CDH18: variants seen among roughly 807,000 people sequenced by gnomAD.
The protein encoded by CDH18 is cadherin 18, also known as cadherin-18.
CDH18 carries 31 observed loss-of-function variants against 67.9 expected under a neutral mutation model. The observed-to-expected ratio is 0.46, with a 90% CI of 0.34 to 0.62. The LOEUF (loss-of-function observed/expected upper bound fraction) is 0.62, where lower values mean the gene tolerates loss of function less well. Ranked by LOEUF, CDH18 falls within the 20% of genes least tolerant of loss-of-function variation. The pLI, the probability that CDH18 is intolerant of heterozygous loss-of-function variation, is 0.01. For missense variants in CDH18, 890 were observed against 975.5 expected, an observed-to-expected ratio of 0.91 and a Z score of 1.17; for synonymous variants, 362 against 347.2, an observed-to-expected ratio of 1.04 and a Z score of -0.48.
chr5:20,187,499 AT>A (rs1738192943), intron 2 of CDH18, among the ~76,000 whole-genome samples: 1 of 151,820 alleles, frequency 6.6e-6, no homozygotes, highest in Non-Finnish European at 1.5e-5. Context: ...TGGGCTCCAA[AT>A]TTTACAATCT....
chr5:19,521,863 T>C (rs809499), intron 9 of CDH18, among the ~76,000 whole-genome samples: 83,355 of 151,798 alleles, frequency 0.55, 23,747 homozygotes, highest in African/African-American at 0.7. Flanking sequence ...ACACATTTTT[T>C]CCCTAGAAAA....
chr5:20,316,695 G>T (rs969818077), intron 1 of CDH18, among the ~76,000 whole-genome samples: 4 of 151,990 alleles, frequency 2.6e-5, no homozygotes, highest in Non-Finnish European at 4.4e-5. Context: ...GGAGATGGTA[G>T]AAGAGAGATA....
intron 2 of CDH18, among the ~76,000 whole-genome samples, chr5:20,162,739 T>C (rs1160014122): frequency 6.6e-6 from 1 of 151,696 alleles, no homozygotes; most frequent in Non-Finnish European, 1.5e-5. Context: ...TATTCATATG[T>C]CTCTATAATA....
At chr5:20,180,169 T>A (rs902463456) in intron 2 of CDH18, among the ~76,000 whole-genome samples, 1 of 152,030 alleles carries the variant, frequency 6.6e-6, no homozygotes, top group African/African-American at 2.4e-5. Flanking sequence ...AGATTCCTAT[T>A]CCAGAAAAGC....
At chr5:20,173,860 T>C (rs981318309) in intron 2 of CDH18, among the ~76,000 whole-genome samples, 21 of 152,164 alleles carry the variant, frequency 1.4e-4, no homozygotes, top group African/African-American at 4.8e-4. Flanking sequence ...ATTTAGAGAA[T>C]ATTACGATTT....
At chr5:20,256,980 A>G (rs1258954493) in intron 1 of CDH18, among the ~76,000 whole-genome samples, 26 of 134,816 alleles carry the variant, frequency 1.9e-4, no homozygotes, top group Admixed American at 4.5e-4. Flanking sequence ...CTATATCTAT[A>G]TCTATATCTA....
chr5:20,318,604 C>T (rs893895696), intron 1 of CDH18, among the ~76,000 whole-genome samples: 1 of 152,082 alleles, frequency 6.6e-6, no homozygotes, highest in Non-Finnish European at 1.5e-5. Flanking sequence ...GTCTCTTCCT[C>T]CTGCTCCCAT....
At chr5:19,569,289 T>C (rs1376593223) in intron 8 of CDH18, among the ~76,000 whole-genome samples, 3 of 152,172 alleles carry the variant, frequency 2.0e-5, no homozygotes, top group Non-Finnish European at 4.4e-5. Context: ...CTTTCCTTCA[T>C]TCTTCATTTC....
chr5:20,169,237 T>C (rs1249022806), intron 2 of CDH18, among the ~76,000 whole-genome samples: 1 of 152,070 alleles, frequency 6.6e-6, no homozygotes, highest in African/African-American at 2.4e-5. Flanking sequence ...TCAATACATC[T>C]CATGTACCCC....
At chr5:20,556,361 G>A (rs1174509639) in intron 1 of CDH18, among the ~76,000 whole-genome samples, 1 of 152,130 alleles carries the variant, frequency 6.6e-6, no homozygotes, top group Admixed American at 6.5e-5. Context: ...TATAGCTTAT[G>A]CAAGATGCCC....
chr5:20,231,953 C>A (rs989759551), intron 2 of CDH18, among the ~76,000 whole-genome samples: 1 of 151,812 alleles, frequency 6.6e-6, no homozygotes, highest in Non-Finnish European at 1.5e-5. Flanking sequence ...ATAATAGATG[C>A]TAGAATGTAA....
At chr5:19,633,132 T>C (rs1166695512) in intron 5 of CDH18, among the ~76,000 whole-genome samples, 5 of 152,232 alleles carry the variant, frequency 3.3e-5, no homozygotes, top group African/African-American at 1.2e-4. Flanking sequence ...GATGCTTCTT[T>C]CTTCTCTAGT....
chr5:20,243,804 A>C (rs1222100504), intron 2 of CDH18, among the ~76,000 whole-genome samples: 5 of 152,154 alleles, frequency 3.3e-5, no homozygotes, highest in Non-Finnish European at 5.9e-5. Flanking sequence ...TAGACTAGTG[A>C]AACTTTATAA....
At chr5:19,712,198 A>G (rs1764789559) in intron 5 of CDH18, among the ~76,000 whole-genome samples, 1 of 152,030 alleles carries the variant, frequency 6.6e-6, no homozygotes, top group Non-Finnish European at 1.5e-5. Context: ...TATTGGGTAC[A>G]AAGTACATTT....
rs549925430 is a variant in CDH18, at chr5:19,556,713, T to C, written c.1254-12708A>G. Among the ~76,000 whole-genome samples, 13 of 152,256 alleles carry C rather than the reference T, an allele frequency of 8.5e-5. No homozygotes were observed. In the South Asian group the frequency reaches 2.3e-3, roughly 27 times the overall value. On this transcript the variant is annotated intron_variant, in intron 8 of 12. Transcript: ENST00000382275. ...TTGGAAAACACATTTGAGGGAATAATTGCAGAAAACTTCCCCAGCTTTCTT... is the reference window on the plus strand; with the variant it reads ...TTGGAAAACACATTTGAGGGAATAACTGCAGAAAACTTCCCCAGCTTTCTT...
chr5:19,564,924 C>T (rs1208077223), intron 8 of CDH18, among the ~76,000 whole-genome samples: 5 of 151,990 alleles, frequency 3.3e-5, no homozygotes, highest in African/African-American at 7.2e-5. Flanking sequence ...GGTATCCAGG[C>T]AGTACATACC....
chr5:19,499,450 C>CAT (rs1022444307), intron 11 of CDH18, among the ~76,000 whole-genome samples: 2 of 151,920 alleles, frequency 1.3e-5, no homozygotes, highest in Non-Finnish European at 1.5e-5. Flanking sequence ...AATTTCTGAA[C>CAT]ATATATATAG....
chr5:20,014,256 C>T (rs1257036666), intron 2 of CDH18, among the ~76,000 whole-genome samples: 2 of 152,060 alleles, frequency 1.3e-5, no homozygotes, highest in African/African-American at 4.8e-5. Flanking sequence ...TATCCATAGT[C>T]TCTGCCTGTA....
rs140289483 is a variant in CDH18, at chr5:20,060,711, G to T, written c.-517-68697C>A. On this transcript the variant is annotated intron_variant, in intron 2 of 14. Coordinates refer to the CDH18 transcript ENST00000507958. The stretch of plus-strand genomic sequence containing the variant: ...TTGAAATTAAATTGTCCTTTTTAAT[G>T]CAAATAAAAATACAGTATTCTACTT... Among the ~76,000 whole-genome samples the T allele has an allele frequency of 1.3e-3, 193 of 152,088 alleles. 1 individual carries two copies. Among genetic ancestry groups the T allele is most frequent in the African/African-American group, 4.3e-3 (180 of 41,500 alleles).
Sources: allele counts gnomAD v4.1 joint callset (sites outside exome capture counted in the v4.1 genomes callset), GRCh38; gene constraint gnomAD v4.1.1; transcripts MANE v1.5; gene names NCBI Gene and HGNC (gene_info 2026-07-23, HGNC 2026-07-21).